The following CCDC18 variants were observed in gnomAD, a reference collection of about 807,000 sequenced individuals.
The protein encoded by CCDC18 is coiled-coil domain-containing protein 18.
Under a neutral mutation model 196.0 loss-of-function variants are expected in CCDC18, and 157 were observed. That is an observed-to-expected ratio of 0.80 (90% confidence interval 0.70 to 0.91). CCDC18 has a LOEUF of 0.91. CCDC18 is among the 40% of genes least tolerant of loss of function. The probability of loss-of-function intolerance (pLI) is 0.00; values close to 1 mark genes in which losing one functional copy is unlikely to be tolerated. For missense variants in CCDC18, 1,465 were observed against 1,611.6 expected, an observed-to-expected ratio of 0.91 and a Z score of 1.56; for synonymous variants, 482 against 529.2, an observed-to-expected ratio of 0.91 and a Z score of 1.22.
intron 7 of CCDC18, 101 bp from the exon 8 acceptor site, chr1:93,205,409 C>A: frequency 2.0e-6 from 2 of 998,064 alleles, no homozygotes; most frequent in Non-Finnish European, 2.9e-6. Flanking sequence ...AATTCTTAGT[C>A]TACTCTCCTG....
chr1:93,180,687 A>G (rs768243043), upstream of CCDC18: 1 of 1,345,348 alleles, frequency 7.4e-7, no homozygotes, highest in East Asian at 4.9e-5. Context: ...GGGGCGGGGC[A>G]GTGACCGGGT....
In CCDC18 at chr1:93,256,414, G is replaced by T; in HGVS notation, c.3422G>T (p.Arg1141Leu). The T allele has an allele frequency of 6.2e-7, 1 of 1,614,066 alleles. No individual in the cohort carries two copies. Among genetic ancestry groups the T allele is most frequent in the Non-Finnish European group, 8.5e-7 (1 of 1,179,992 alleles). Reference protein sequence around the residue: ...IDLGQELRLTREQVQNSHTEL... With the variant: ...IDLGQELRLTLEQVQNSHTEL... ...TTGGGGCAAGAATTGAGGCTGACCC[G>T]GGAGCAGGTGCAGAACTCTCATACA... The change falls in exon 25 of 29, where the codon CGG becomes CTG. Residue 1141 changes from arginine (R) to leucine (L), a missense_variant. Physicochemically the swap from Arg to Leu is moderately radical, Grantham distance 102 (BLOSUM62 -2). Transcript: ENST00000690025.
chr1:93,236,402 A>G lies in CCDC18; in HGVS notation c.2603+12A>G. The G allele has an allele frequency of 6.3e-7, 1 of 1,583,400 alleles. No individual in the cohort carries two copies. The highest frequency in any genetic ancestry group is 8.5e-7 in the Non-Finnish European group (1 of 1,170,216). ...ACTGGCACTGCCAGGTAAAATGTGA[A>G]TATGTTTTATTTACCTTCCCACTTC... On this transcript the variant is annotated intron_variant, in intron 19 of 28. Transcript: ENST00000690025.
rs754075765 is a variant in CCDC18, at chr1:93,256,355, G to A, written c.3363G>A (p.Gln1121=). 4.3e-6 allele frequency: 7 copies of A among 1,613,938 alleles called. No individual in the cohort carries two copies. In the African/African-American group the frequency reaches 8.0e-5, roughly 18 times the overall value. ...EMESVMKEQE[Q]YIATQYKEAI... ...TTCAGGTTATGAAAGAGCAAGAACA[G>A]TACATTGCCACTCAGTACAAGGAGG... is the stretch of plus-strand genomic sequence containing the variant. Residue 1121 remains glutamine, a synonymous_variant, in exon 25 of 29, where the codon CAG becomes CAA. Transcript: ENST00000690025.
At position 93,209,180 on chromosome 1, in the gene CCDC18, A is replaced by G. The variant is rs556520373; in HGVS notation, c.1210-1622A>G. Among the ~76,000 whole-genome samples, 279 of 151,162 alleles carry G rather than the reference A, an allele frequency of 1.8e-3. 1 individual carries two copies. The highest frequency in any genetic ancestry group is 6.1e-3 in the African/African-American group (251 of 41,070). ...TCCATGTTGGTCAGGCTGGTCTCGA[A>G]CTCCCAACCTCAGGTGATCTGCCTG... On this transcript the variant is annotated intron_variant, in intron 9 of 28. Transcript: ENST00000690025.
At position 93,232,486 on chromosome 1, in the gene CCDC18, C is replaced by T. The variant is rs772825423; in HGVS notation, c.2353C>T (p.Gln785Ter). Reference protein sequence around the residue: ...KNHSLQETSEQNVILQHTLQQ... With the variant: ...KNHSLQETSE Reference sequence around the variant, plus strand: ...TCACAGTCTTCAAGAGACTTCTGAGCAAAACGTTATTCTACAGCATACTCT... The same window carrying T: ...TCACAGTCTTCAAGAGACTTCTGAGTAAAACGTTATTCTACAGCATACTCT... Residue 785 changes from glutamine to a stop codon, truncating the protein, a stop_gained, in exon 18 of 29, where the codon CAA becomes TAA. Coordinates refer to ENST00000690025, the MANE Select transcript of CCDC18 (RefSeq NM_001378204.1). LOFTEE classifies it high-confidence loss of function. 6.2e-7 allele frequency: 1 copy of T among 1,612,182 alleles called. No individual in the cohort carries two copies.
intron 7 of CCDC18, 69 bp downstream of exon 7, chr1:93,202,057 A>C: frequency 1.2e-6 from 1 of 836,766 alleles, no homozygotes; most frequent in Non-Finnish European, 1.9e-6. Flanking sequence ...AGGTAGGAAT[A>C]ATTAAAATAT....
Position 93,212,169 on chromosome 1 carries a change from CTCAGAG to C in CCDC18, c.1406_1411del (p.Gln469_Ser470del). 2 of 1,611,146 alleles carry C rather than the reference CTCAGAG, an allele frequency of 1.2e-6. No homozygotes were observed. The highest frequency in any genetic ancestry group is 1.7e-6 in the Non-Finnish European group (2 of 1,179,000). On this transcript the variant is annotated inframe_deletion, in exon 11 of 29. Transcript: ENST00000690025. ...GCAAACCTGACTGCAAATCAGTTAT[CTCAGAG>C]TCTTATTACTTGTAATGACAGCCAA...
intron 26 of CCDC18, 138 bp downstream of exon 26, chr1:93,259,023 C>G (rs949233450): frequency 2.9e-6 from 2 of 693,708 alleles, no homozygotes; most frequent in Non-Finnish European, 4.3e-6. Flanking sequence ...CCTAAACATA[C>G]AGCTTTCACT....
intron 27 of CCDC18, among the ~76,000 whole-genome samples, chr1:93,265,834 C>T (rs761962708): frequency 6.6e-6 from 1 of 152,164 alleles, no homozygotes; most frequent in Non-Finnish European, 1.5e-5. Context: ...GACTCCCACA[C>T]AATAATAATG....
chr1:93,191,184 G>T (rs1346878879), intron 4 of CCDC18: 2 of 432,490 alleles, frequency 4.6e-6, no homozygotes, highest in Non-Finnish European at 8.6e-6. Context: ...GAGTAGTAAG[G>T]TGGGGCTAAC....
chr1:93,256,524 C>T lies in CCDC18; in HGVS notation c.3532C>T (p.Leu1178Phe), dbSNP rs757833811. 6 of 1,612,354 alleles carry T rather than the reference C, an allele frequency of 3.7e-6. No individual in the cohort carries two copies. The highest frequency in any genetic ancestry group is 4.2e-6 in the Non-Finnish European group (5 of 1,178,682). The change falls in exon 25 of 29, where the codon CTC (leucine) becomes TTC (phenylalanine). Residue 1178 changes from leucine to phenylalanine, a missense_variant. Physicochemically the swap from Leu to Phe is conservative, Grantham distance 22 (BLOSUM62 0). Coordinates refer to ENST00000690025, the MANE Select transcript of CCDC18 (RefSeq NM_001378204.1). ...LSSELEDMKQ[L>F]SKEKDAHGNH... ...TAGTGAACTGGAGGATATGAAGCAA[C>T]TCTCTAAAGAGAAAGTAATCCCTAT...
chr1:93,230,955 A>G (rs1460427637), intron 17 of CCDC18, among the ~76,000 whole-genome samples: 1 of 152,252 alleles, frequency 6.6e-6, no homozygotes, highest in East Asian at 1.9e-4. Context: ...TGCAGACAGA[A>G]TTAAACAAAA....
chr1:93,239,619 T>C, intron 20 of CCDC18, 64 bp from the exon 21 acceptor site: 1 of 1,345,582 alleles, frequency 7.4e-7, no homozygotes, highest in South Asian at 1.3e-5. Flanking sequence ...ATATTCTTAA[T>C]ATATACAAAG....
chr1:93,264,350 A>G (rs141527212), intron 26 of CCDC18, among the ~76,000 whole-genome samples: 29 of 152,334 alleles, frequency 1.9e-4, no homozygotes, highest in Admixed American at 5.2e-4. Flanking sequence ...CAATACCATG[A>G]TCACACCTAA....
chr1:93,255,241 G>A (rs1186442314), intron 24 of CCDC18, among the ~76,000 whole-genome samples: 1 of 151,948 alleles, frequency 6.6e-6, no homozygotes, highest in Non-Finnish European at 1.5e-5. Flanking sequence ...GTGAGCTACC[G>A]TGCCCGGCCG....
At chr1:93,260,114 T>C (rs1164227683) in intron 26 of CCDC18, among the ~76,000 whole-genome samples, 1 of 152,198 alleles carries the variant, frequency 6.6e-6, no homozygotes, top group Non-Finnish European at 1.5e-5. Context: ...CCGGGCGCAG[T>C]GGCTCACACC....
intron 26 of CCDC18, among the ~76,000 whole-genome samples, chr1:93,259,896 T>A (rs1663543781): frequency 6.6e-6 from 1 of 152,232 alleles, no homozygotes; most frequent in Non-Finnish European, 1.5e-5. Flanking sequence ...TTTTTAAGTA[T>A]AATTATCCAA....
At chr1:93,200,209 A>T (rs1653586420) in intron 6 of CCDC18, among the ~76,000 whole-genome samples, 1 of 152,032 alleles carries the variant, frequency 6.6e-6, no homozygotes, top group African/African-American at 2.4e-5. Context: ...ATCTGGCTTC[A>T]AGCAATCCTC....
Sources: allele counts gnomAD v4.1 joint callset (sites outside exome capture counted in the v4.1 genomes callset), GRCh38; gene constraint gnomAD v4.1.1; transcripts MANE v1.5; gene names NCBI Gene and HGNC (gene_info 2026-07-23, HGNC 2026-07-21).